DGCR2: variants seen among roughly 807,000 people sequenced by gnomAD.
DGCR2 encodes the protein DiGeorge syndrome critical region gene 2, also known as integral membrane protein DGCR2/IDD.
In DGCR2, 24 loss-of-function variants were observed where a neutral mutation model predicts 51.6. The ratio of observed to expected loss-of-function variants is 0.47; its 90% confidence interval spans 0.34 to 0.65. The LOEUF is 0.65. Among genes scored for constraint, DGCR2 ranks in the 30% least tolerant of loss-of-function variants. The pLI, the probability that DGCR2 is intolerant of heterozygous loss-of-function variation, is 0.01. For synonymous variants in DGCR2, 340 were observed against 315.4 expected (o/e 1.08, Z -0.82); for missense variants, 765 against 772.1 (o/e 0.99, Z 0.11).
At chr22:19,039,154 G>A (rs1015817448) in intron 9 of DGCR2, 33 bp from the exon 10 acceptor site, 3 of 1,610,414 alleles carry the variant, frequency 1.9e-6, no homozygotes, top group Admixed American at 1.7e-5. Flanking sequence ...GTCAGAGGCA[G>A]GTACGGGCCT....
chr22:19,114,600 G>A (rs1173773066), intron 1 of DGCR2, among the ~76,000 whole-genome samples: 15 of 152,236 alleles, frequency 9.9e-5, no homozygotes, highest in Non-Finnish European at 2.2e-4. Flanking sequence ...TGGCACCGGA[G>A]AGACCTCTGC....
intron 1 of DGCR2, among the ~76,000 whole-genome samples, chr22:19,089,810 G>A (rs932501700): frequency 6.6e-6 from 1 of 152,190 alleles, no homozygotes; most frequent in Non-Finnish European, 1.5e-5. Flanking sequence ...TGAACTCCTG[G>A]CCTCAAGTGA....
intron 1 of DGCR2, among the ~76,000 whole-genome samples, chr22:19,101,318 G>A (rs1247479419): frequency 1.3e-5 from 2 of 152,158 alleles, no homozygotes; most frequent in East Asian, 3.8e-4. Context: ...GACAACCCAA[G>A]TGGCCATGAC....
chr22:19,095,897 C>T (rs1331648343), intron 1 of DGCR2, among the ~76,000 whole-genome samples: 1 of 152,144 alleles, frequency 6.6e-6, no homozygotes, highest in African/African-American at 2.4e-5. Flanking sequence ...GCCCACCTAA[C>T]GTGCTTGCTT....
intron 2 of DGCR2, among the ~76,000 whole-genome samples, chr22:19,086,658 G>T (rs1318588375): frequency 6.6e-6 from 1 of 151,956 alleles, no homozygotes; most frequent in Non-Finnish European, 1.5e-5. Context: ...TTGCACACAC[G>T]GGTCCTCATT....
chr22:19,074,173 C>T (rs918684286), intron 2 of DGCR2, among the ~76,000 whole-genome samples: 1 of 152,100 alleles, frequency 6.6e-6, no homozygotes, highest in Non-Finnish European at 1.5e-5. Context: ...CGTCTGTAAT[C>T]CCAGAACTTT....
intron 2 of DGCR2, among the ~76,000 whole-genome samples, chr22:19,081,039 C>A (rs998992685): frequency 1.3e-5 from 2 of 152,170 alleles, no homozygotes; most frequent in African/African-American, 4.8e-5. Flanking sequence ...CTGCTTATTT[C>A]TTGTTGTTCT....
At chr22:19,083,717 C>G (rs1445660382) in intron 2 of DGCR2, among the ~76,000 whole-genome samples, 5 of 132,902 alleles carry the variant, frequency 3.8e-5, no homozygotes, top group African/African-American at 1.4e-4. Flanking sequence ...CCCTCTCCCT[C>G]TCCCCACGGT....
intron 1 of DGCR2, among the ~76,000 whole-genome samples, chr22:19,114,058 T>A (rs1222276307): frequency 8.6e-6 from 1 of 115,680 alleles, no homozygotes; most frequent in African/African-American, 3.7e-5. Flanking sequence ...AGATTCCATT[T>A]GAGGAAAAAA....
chr22:19,101,756 A>AAAAG (rs36031898), intron 1 of DGCR2, among the ~76,000 whole-genome samples: 1 of 146,010 alleles, frequency 6.8e-6, no homozygotes. Flanking sequence ...AAAAAAAAAA[A>AAAAG]GTGAATGTGG....
rs2082704685 is a variant in DGCR2 at position 19,063,150 on chromosome 22, T to G, written c.625+52A>C. 3.2e-6 allele frequency: 5 copies of G among 1,552,386 alleles called. 1 individual carries two copies. In the South Asian group the frequency reaches 5.6e-5, roughly 17 times the overall value. ...AAGAGGGAGGAGGGGAGGCCCCGAA[T>G]CAGGGTGACTCTGCCCAGCTTCAAA... On this transcript the variant is annotated intron_variant, in intron 5 of 9. Transcript: ENST00000263196.
chr22:19,060,055 T>G (rs2082644111), intron 5 of DGCR2, among the ~76,000 whole-genome samples: 1 of 152,178 alleles, frequency 6.6e-6, no homozygotes. Flanking sequence ...CCCACCACGG[T>G]GGCAGCTGCC....
chr22:19,109,094 T>G (rs1056435864), intron 1 of DGCR2, among the ~76,000 whole-genome samples: 1 of 151,832 alleles, frequency 6.6e-6, no homozygotes. Context: ...CACAATAGGC[T>G]ATCACCTCAC....
At chr22:19,075,153 T>C (rs2082861020) in intron 2 of DGCR2, among the ~76,000 whole-genome samples, 2 of 149,942 alleles carry the variant, frequency 1.3e-5, no homozygotes, top group African/African-American at 5.1e-5. Context: ...TTGGGCTGGG[T>C]GCAGTGGCTC....
intron 7 of DGCR2, among the ~76,000 whole-genome samples, chr22:19,043,530 AG>A (rs1343149088): frequency 2.6e-5 from 4 of 152,212 alleles, no homozygotes; most frequent in African/African-American, 9.6e-5. Flanking sequence ...TAATGGAACC[AG>A]GAAGTGGTCC....
intron 1 of DGCR2, among the ~76,000 whole-genome samples, chr22:19,114,009 A>C (rs2083345825): frequency 1.4e-5 from 2 of 145,596 alleles, no homozygotes; most frequent in South Asian, 4.5e-4. Flanking sequence ...CAGTGAGCTG[A>C]GATTGCACCA....
At chr22:19,084,624 T>C (rs1441375195) in intron 2 of DGCR2, among the ~76,000 whole-genome samples, 3 of 144,014 alleles carry the variant, frequency 2.1e-5, no homozygotes, top group Non-Finnish European at 4.5e-5. Context: ...GTCTGGGAAG[T>C]GAGGAGCGTC....
At chr22:19,055,627 T>C (rs2082592488) in intron 6 of DGCR2, among the ~76,000 whole-genome samples, 1 of 151,918 alleles carries the variant, frequency 6.6e-6, no homozygotes, top group African/African-American at 2.4e-5. Context: ...ATCCACAAAC[T>C]AAGAGAACCA....
intron 1 of DGCR2, among the ~76,000 whole-genome samples, chr22:19,099,596 G>T (rs1485526105): frequency 6.6e-6 from 1 of 152,012 alleles, no homozygotes; most frequent in Non-Finnish European, 1.5e-5. Context: ...ACAAAAAATT[G>T]CCTGTCCTTT....
Sources: gnomAD v4.1 joint callset for allele counts (sites outside exome capture counted in the v4.1 genomes callset) on GRCh38, gnomAD v4.1.1 for gene constraint, MANE v1.5 for transcripts, NCBI Gene and HGNC (gene_info 2026-07-23, HGNC 2026-07-21) for gene names.